PTPN5: variants seen among roughly 807,000 people sequenced by gnomAD.
The protein encoded by PTPN5 is tyrosine-protein phosphatase non-receptor type 5.
A neutral mutation model predicts 73.9 loss-of-function variants in PTPN5; 29 were observed. The ratio of observed to expected loss-of-function variants is 0.39; its 90% CI spans 0.29 to 0.54. The LOEUF (loss-of-function observed/expected upper bound fraction) is 0.54, where lower values mean the gene tolerates loss of function less well. PTPN5 is among the 20% of genes least tolerant of loss of function. The pLI, the probability that PTPN5 is intolerant of heterozygous loss-of-function variation, is 0.65. For synonymous variants in PTPN5, 267 were observed against 304.7 expected, an observed-to-expected ratio of 0.88 and a Z score of 1.29; for missense variants, 652 against 751.4, an observed-to-expected ratio of 0.87 and a Z score of 1.55.
intron 2 of PTPN5, 94 bp downstream of exon 2, chr11:18,771,845 G>A: frequency 1.9e-6 from 2 of 1,044,750 alleles, no homozygotes; most frequent in Non-Finnish European, 1.5e-6. Flanking sequence ...AACACCTCAT[G>A]AGAATGGGTC....
At chr11:18,782,429 T>C (rs1001048806) in intron 1 of PTPN5, among the ~76,000 whole-genome samples, 1 of 152,166 alleles carries the variant, frequency 6.6e-6, no homozygotes, top group Admixed American at 6.5e-5. Flanking sequence ...GATTTCACCA[T>C]GTTGGCTAGG....
At chr11:18,791,205 C>A (rs572185262) in intron 1 of PTPN5, among the ~76,000 whole-genome samples, 1 of 152,356 alleles carries the variant, frequency 6.6e-6, no homozygotes, top group South Asian at 2.1e-4. Context: ...CAGAGCCGCG[C>A]ACCAGCCTCC....
intron 1 of PTPN5, among the ~76,000 whole-genome samples, chr11:18,776,024 C>T (rs1851135969): frequency 6.6e-6 from 1 of 152,150 alleles, no homozygotes; most frequent in Non-Finnish European, 1.5e-5. Flanking sequence ...CGGTCACGGA[C>T]CCAAAAGATA....
chr11:18,733,584 C>T lies in PTPN5; in HGVS notation c.1052G>A (p.Ser351Asn). 1.9e-6 allele frequency: 3 copies of T among 1,614,252 alleles called. No individual in the cohort carries two copies. The highest frequency in any genetic ancestry group is 2.7e-5 in the African/African-American group (2 of 75,066). Residue 351 changes from serine (S) to asparagine (N), a missense_variant, in exon 10 of 15, where the codon AGT becomes AAT. By Grantham distance (46) the Ser-to-Asn change is conservative. Transcript: ENST00000358540. The surrounding 1 kb of genome is among the most constrained non-coding windows in gnomAD (Gnocchi z 4.3). ...GATGTAGTTGGCATTGATGTAGGAA[C>T]TCAGAGGGTCGTCAGGGTCTGGTGA... is the stretch of plus-strand genomic sequence containing the variant. ...LTSPDPDDPL[S>N]SYINANYIRG... is the part of the protein sequence containing the mutation.
chr11:18,740,498 TCTA>T (rs968140960), intron 8 of PTPN5, 102 bp downstream of exon 8: 4 of 1,034,022 alleles, frequency 3.9e-6, no homozygotes, highest in Non-Finnish European at 4.0e-6. Flanking sequence ...GTGATACTAA[TCTA>T]CTGCAGATGC....
At chr11:18,734,666 G>C (rs1022136157) in intron 9 of PTPN5, among the ~76,000 whole-genome samples, 1 of 152,106 alleles carries the variant, frequency 6.6e-6, no homozygotes, top group Non-Finnish European at 1.5e-5. Context: ...AGTAGATTTT[G>C]TTTTGTTCCA....
intron 3 of PTPN5, among the ~76,000 whole-genome samples, chr11:18,750,305 G>A (rs1356606241): frequency 1.3e-5 from 2 of 152,132 alleles, no homozygotes; most frequent in Non-Finnish European, 2.9e-5. Flanking sequence ...CTTGGCTGAG[G>A]TCTGCTAATA....
intron 3 of PTPN5, among the ~76,000 whole-genome samples, chr11:18,761,116 G>A (rs1015301452): frequency 2.0e-5 from 3 of 152,238 alleles, no homozygotes; most frequent in African/African-American, 4.8e-5. Context: ...GGACTGAGCA[G>A]GGGTGGTATA....
At chr11:18,743,870 G>T in intron 4 of PTPN5, 136 bp downstream of exon 4, 2 of 1,015,150 alleles carry the variant, frequency 2.0e-6, no homozygotes, top group Non-Finnish European at 2.7e-6. Context: ...AGCCTTGAGG[G>T]CTTGGAGCTC....
chr11:18,745,660 TATC>T (rs560245131), intron 3 of PTPN5, among the ~76,000 whole-genome samples: 2 of 152,238 alleles, frequency 1.3e-5, no homozygotes, highest in Admixed American at 6.5e-5. Context: ...CTCTCTTTCA[TATC>T]ATCATCATCA....
intron 1 of PTPN5, among the ~76,000 whole-genome samples, chr11:18,779,198 TCTGTGCTCAGGC>T (rs767200958): frequency 6.6e-6 from 1 of 152,130 alleles, no homozygotes; most frequent in Non-Finnish European, 1.5e-5. Flanking sequence ...ATTTAACCCT[TCTGTGCTCAGGC>T]CTGGCTCACG....
At chr11:18,786,008 G>T in intron 1 of PTPN5, among the ~76,000 whole-genome samples, 1 of 152,152 alleles carries the variant, frequency 6.6e-6, no homozygotes, top group Non-Finnish European at 1.5e-5. Context: ...CTTGAGTCAC[G>T]CTTGCTTCAA....
chr11:18,738,950 C>G (rs1849241392), intron 8 of PTPN5, among the ~76,000 whole-genome samples: 2 of 135,668 alleles, frequency 1.5e-5, no homozygotes, highest in African/African-American at 5.6e-5. Context: ...CCAGCCTGGG[C>G]AACAAGAGTG....
chr11:18,741,936 T>C (rs1051936546), intron 7 of PTPN5, among the ~76,000 whole-genome samples: 4 of 152,204 alleles, frequency 2.6e-5, no homozygotes, highest in Admixed American at 1.3e-4. Context: ...TACTGCCCCC[T>C]TGCTGATTTA....
chr11:18,729,527 G>C lies in PTPN5; in HGVS notation c.1530C>G (p.Ser510Arg), dbSNP rs760281083. The change falls in exon 14 of 15, where the codon AGC becomes AGG. Residue 510 changes from serine to arginine, a missense_variant. Ser to Arg is a moderately radical substitution (Grantham distance 110). Around this residue, in one of 3 missense-constraint regions of PTPN5, gnomAD observed 102 missense variants for 160.5 expected, o/e 0.64. Coordinates refer to ENST00000358540, the MANE Select transcript of PTPN5 (RefSeq NM_006906.2). The surrounding 1 kb of genome is among the most constrained non-coding windows in gnomAD (Gnocchi z 5.2). Reference protein sequence around the residue: ...IGRTGCFIATSICCQQLRQEG... With the variant: ...IGRTGCFIATRICCQQLRQEG... ...CCTGCCGCAGCTGCTGGCAGCAGAT[G>C]CTGGTGGCAATGAAGCAGCCGGTCC... 1.9e-6 allele frequency: 3 copies of C among 1,601,290 alleles called. No individual in the cohort carries two copies. Among genetic ancestry groups the C allele is most frequent in the Non-Finnish European group, 2.6e-6 (3 of 1,176,118 alleles).
At chr11:18,781,381 G>A (rs1851423587) in intron 1 of PTPN5, among the ~76,000 whole-genome samples, 1 of 146,146 alleles carries the variant, frequency 6.8e-6, no homozygotes, top group Admixed American at 7.0e-5. Context: ...GCGCAGCGGC[G>A]CGATCTAGGC....
intron 3 of PTPN5, among the ~76,000 whole-genome samples, chr11:18,751,177 G>A (rs1214814602): frequency 1.3e-5 from 2 of 152,226 alleles, no homozygotes; most frequent in Admixed American, 6.5e-5. Context: ...TTCTCACTGG[G>A]AGAGGCTGGA....
chr11:18,744,719 C>T (rs997637351), intron 3 of PTPN5, among the ~76,000 whole-genome samples: 1 of 152,132 alleles, frequency 6.6e-6, no homozygotes, highest in East Asian at 1.9e-4. Flanking sequence ...ACTCCCTGCA[C>T]GATGAGAGGG....
chr11:18,750,094 C>G (rs1202216960), intron 3 of PTPN5, among the ~76,000 whole-genome samples: 1 of 152,160 alleles, frequency 6.6e-6, no homozygotes, highest in Non-Finnish European at 1.5e-5. Context: ...GAAACAGGCC[C>G]AGAGAGCGGA....
Sources: allele counts gnomAD v4.1 joint callset (sites outside exome capture counted in the v4.1 genomes callset), GRCh38; gene constraint gnomAD v4.1.1; regional missense constraint gnomAD v4.1.1; non-coding constraint Gnocchi (gnomAD v3.1); transcripts MANE v1.5; gene names NCBI Gene and HGNC (gene_info 2026-07-23, HGNC 2026-07-21).